DHTKD1: variants seen among roughly 807,000 people sequenced by gnomAD.
DHTKD1 encodes the protein dehydrogenase E1 and transketolase domain containing 1.
A neutral mutation model predicts 101.8 loss-of-function variants in DHTKD1; 78 were observed. The ratio of observed to expected loss-of-function variants is 0.77; its 90% CI spans 0.64 to 0.93. The LOEUF (loss-of-function observed/expected upper bound fraction) is 0.93. Among genes scored for constraint, DHTKD1 ranks in the 40% least tolerant of loss-of-function variants. The pLI, the probability that DHTKD1 is intolerant of heterozygous loss-of-function variation, is 0.00. For synonymous variants in DHTKD1, 462 were observed against 450.3 expected (o/e 1.03, Z -0.33); for missense variants, 1,223 against 1,161.7 (o/e 1.05, Z -0.77).
At chr10:12,071,547 G>A (rs1007574504) in intron 1 of DHTKD1, among the ~76,000 whole-genome samples, 48 of 151,238 alleles carry the variant, frequency 3.2e-4, no homozygotes, top group Non-Finnish European at 1.2e-4. Context: ...CGAGGTGGGC[G>A]GATCACCAGG....
At chr10:12,069,518 CTTTTTTTTTT>C (rs10691718) in intron 1 of DHTKD1, among the ~76,000 whole-genome samples, 2 of 81,552 alleles carry the variant, frequency 2.5e-5, no homozygotes, top group African/African-American at 1.0e-4. Flanking sequence ...TTTTTGTTTC[CTTTTTTTTTT>C]TTTTTTTTTT....
At chr10:12,088,200 G>T (rs983335549) in intron 4 of DHTKD1, among the ~76,000 whole-genome samples, 1 of 152,176 alleles carries the variant, frequency 6.6e-6, no homozygotes, top group Admixed American at 6.6e-5. Context: ...GCTCATACCT[G>T]CAATCCCAGC....
At chr10:12,071,221 T>A (rs905064704) in intron 1 of DHTKD1, among the ~76,000 whole-genome samples, 1 of 152,138 alleles carries the variant, frequency 6.6e-6, no homozygotes, top group Non-Finnish European at 1.5e-5. Context: ...AGAAGTTGCA[T>A]ACATTGCTGC....
intron 15 of DHTKD1, among the ~76,000 whole-genome samples, 189 bp from the exon 16 acceptor site, chr10:12,119,993 T>C (rs1833498585): frequency 6.6e-6 from 1 of 152,178 alleles, no homozygotes; most frequent in African/African-American, 2.4e-5. Context: ...TCAGATAATT[T>C]ATCGAATACT....
chr10:12,107,281 C>A lies in DHTKD1; in HGVS notation c.2048-628C>A, dbSNP rs940689516. Among the ~76,000 whole-genome samples the A allele has an allele frequency of 1.3e-5, 2 of 149,048 alleles. No individual in the cohort carries two copies. Among genetic ancestry groups the A allele is most frequent in the African/African-American group, 2.5e-5 (1 of 40,402 alleles). ...GATTACGGGTGTGAGCCACTGTGCC[C>A]GGCCGGGAGCTGCCCATTCTTGTAA... On this transcript the variant is annotated intron_variant, in intron 11 of 16. Transcript: ENST00000263035. This position sits in a 1 kb window ranked among gnomAD's most constrained non-coding sequence, Gnocchi z 4.1.
chr10:12,108,793 A>C (rs1833287316), intron 12 of DHTKD1, among the ~76,000 whole-genome samples: 1 of 152,102 alleles, frequency 6.6e-6, no homozygotes, highest in African/African-American at 2.4e-5. Flanking sequence ...GTTTTTTCAC[A>C]TATCTATTCA....
chr10:12,071,678 C>T (rs150225295), intron 1 of DHTKD1, among the ~76,000 whole-genome samples: 140 of 151,416 alleles, frequency 9.2e-4, no homozygotes, highest in Middle Eastern at 3.4e-3. Flanking sequence ...CTGTAATCCC[C>T]GCACTTTGGG....
chr10:12,120,727 C>G (rs1833513883), intron 16 of DHTKD1, 60 bp from the exon 17 acceptor site: 2 of 1,412,192 alleles, frequency 1.4e-6, no homozygotes, highest in Non-Finnish European at 2.0e-6. Context: ...CTTGTTGGAA[C>G]TAAGCAGAGC....
chr10:12,109,306 G>A (rs531884697), intron 12 of DHTKD1, among the ~76,000 whole-genome samples: 1 of 151,794 alleles, frequency 6.6e-6, no homozygotes, highest in South Asian at 2.1e-4. Context: ...ACAGATAGAT[G>A]GATAGTTACA....
chr10:12,112,985 AC>A lies in DHTKD1; in HGVS notation c.2241del (p.Leu748CysfsTer70). 6.2e-7 allele frequency: 1 copy of A among 1,613,980 alleles called. No individual in the cohort carries two copies. Among genetic ancestry groups the A allele is most frequent in the Non-Finnish European group, 8.5e-7 (1 of 1,179,944 alleles). ...CCAACAACTCCTGCACAGTATTTCC[AC>A]TTGCTTAGGAGACAGATGGTCCGGA... is the stretch of plus-strand genomic sequence containing the variant. Reference protein sequence around the residue: ...VHPTTPAQYFHLLRRQMVRNF... With the variant: ...VHPTTPAQYFXLLRRQMVRNF... On this transcript the variant is annotated frameshift_variant, in exon 13 of 17. Transcript: ENST00000263035. LOFTEE classifies it high-confidence loss of function.
In DHTKD1 at chr10:12,087,016, T is replaced by C. The variant is rs570002756; in HGVS notation, c.523-519T>C. On this transcript the variant is annotated intron_variant, in intron 3 of 16. Coordinates refer to ENST00000263035, the MANE Select transcript of DHTKD1 (RefSeq NM_018706.7). The surrounding 1 kb of genome is among the most constrained non-coding windows in gnomAD (Gnocchi z 5.2). ...CTTACTTCTTAAGAACTAAAGATAC[T>C]TAAGTTCAGAACTTAATCTGAGATG... Among the ~76,000 whole-genome samples the C allele has an allele frequency of 1.3e-5, 2 of 152,292 alleles. No individual in the cohort carries two copies. Among genetic ancestry groups the C allele is most frequent in the Admixed American group, 1.3e-4 (2 of 15,282 alleles).
rs904413729 is a variant in DHTKD1 at position 12,103,685 on chromosome 10, T to C, written c.1896+2504T>C. ...CAAGCACCACCACGCCTGGCTACTT[T>C]TAAATATTTTGTAGAGATAGGAGTC... On this transcript the variant is annotated intron_variant, in intron 10 of 16. Transcript: ENST00000263035. The surrounding 1 kb of genome is among the most constrained non-coding windows in gnomAD (Gnocchi z 4.8). 3.9e-5 allele frequency among the ~76,000 whole-genome samples: 6 copies of C among 152,084 alleles called. No individual in the cohort carries two copies. Among genetic ancestry groups the C allele is most frequent in the African/African-American group, 1.4e-4 (6 of 41,408 alleles).
intron 1 of DHTKD1, 114 bp downstream of exon 1, chr10:12,069,301 GCC>G: frequency 7.5e-6 from 5 of 664,246 alleles, no homozygotes; most frequent in South Asian, 1.9e-5. Context: ...TGAACGCGCG[GCC>G]GGTGGGGAGG....
chr10:12,086,446 C>T (rs191464390), intron 3 of DHTKD1, among the ~76,000 whole-genome samples: 92 of 151,472 alleles, frequency 6.1e-4, no homozygotes, highest in African/African-American at 2.1e-3. Flanking sequence ...GTCTCGATCT[C>T]CTGACCTCGT....
chr10:12,095,744 C>T (rs1249695305), intron 7 of DHTKD1, among the ~76,000 whole-genome samples: 3 of 130,222 alleles, frequency 2.3e-5, no homozygotes, highest in Non-Finnish European at 4.7e-5. Flanking sequence ...ACCCGGGAGG[C>T]GGAGCTTGCA....
chr10:12,111,453 ACCGCG>A lies in DHTKD1; in HGVS notation c.2155-1444_2155-1440del, dbSNP rs1431965192. Among the ~76,000 whole-genome samples the A allele has an allele frequency of 2.6e-5, 4 of 152,328 alleles. No homozygotes were observed. The East Asian group carries it at 7.7e-4, about 29-fold the overall frequency. ...AGTGCTAGGATTTCAGGCATGGGCC[ACCGCG>A]CCAGGCCTTTGTTTTGTGTTAAAGG... On this transcript the variant is annotated intron_variant, in intron 12 of 16. Transcript: ENST00000263035.
chr10:12,119,337 G>T (rs188288782), intron 15 of DHTKD1, among the ~76,000 whole-genome samples: 3 of 146,004 alleles, frequency 2.1e-5, no homozygotes, highest in Non-Finnish European at 4.5e-5. Context: ...TGGTACAGGC[G>T]GGGCGCGGTG....
At chr10:12,075,737 T>G (rs1457288970) in intron 1 of DHTKD1, among the ~76,000 whole-genome samples, 2 of 152,306 alleles carry the variant, frequency 1.3e-5, no homozygotes, top group African/African-American at 4.8e-5. Flanking sequence ...TTATTTTTAT[T>G]TATTTTTCTA....
chr10:12,083,456 C>T (rs759634586), intron 2 of DHTKD1, among the ~76,000 whole-genome samples: 1 of 152,098 alleles, frequency 6.6e-6, no homozygotes, highest in African/African-American at 2.4e-5. Context: ...AGGTTGGGGC[C>T]GGGTGTGGTG....
Sources: allele counts gnomAD v4.1 joint callset (sites outside exome capture counted in the v4.1 genomes callset), GRCh38; gene constraint gnomAD v4.1.1; non-coding constraint Gnocchi (gnomAD v3.1); transcripts MANE v1.5; gene names NCBI Gene and HGNC (gene_info 2026-07-23, HGNC 2026-07-21).